Variants in MAN2B2 observed in about 807,000 individuals in gnomAD.
MAN2B2 encodes epididymis-specific alpha-mannosidase.
MAN2B2 carries 106 observed loss-of-function variants against 117.1 expected under a neutral mutation model. The observed-to-expected ratio is 0.90, with a 90% confidence interval of 0.77 to 1.06. The LOEUF is 1.06. Among genes scored for constraint, MAN2B2 ranks in the 50% least tolerant of loss-of-function variants. The pLI is 0.00. For missense variants in MAN2B2, 1,326 were observed against 1,381.4 expected (o/e 0.96, Z 0.64); for synonymous variants, 544 against 595.1 (o/e 0.91, Z 1.25).
At chr4:6,616,521 A>T (rs536723579) in intron 16 of MAN2B2, among the ~76,000 whole-genome samples, 176 of 152,152 alleles carry the variant, frequency 1.2e-3, no homozygotes, top group African/African-American at 4.1e-3. Flanking sequence ...TGTGGCCACC[A>T]CGCCCCCCGC....
intron 17 of MAN2B2, chr4:6,617,703 C>A: frequency 2.4e-6 from 2 of 820,822 alleles, no homozygotes; most frequent in Non-Finnish European, 1.8e-6. Flanking sequence ...ATATGTGAGA[C>A]AGGATCTCAC....
chr4:6,579,139 CATCA>C (rs1726237871), intron 3 of MAN2B2, among the ~76,000 whole-genome samples: 2 of 94,970 alleles, frequency 2.1e-5, no homozygotes, highest in Non-Finnish European at 4.6e-5. Context: ...CCACCACCAC[CATCA>C]CCACCACCAT....
At chr4:6,620,285 ACGCAGAC>A in intron 18 of MAN2B2, 1 of 443,994 alleles carries the variant, frequency 2.3e-6, no homozygotes, top group Non-Finnish European at 4.2e-6. Context: ...ACGTGTGCAC[ACGCAGAC>A]CACACGCCCT....
chr4:6,603,457 G>A (rs1290728616), intron 10 of MAN2B2, among the ~76,000 whole-genome samples: 1 of 152,164 alleles, frequency 6.6e-6, no homozygotes, highest in Non-Finnish European at 1.5e-5. Context: ...GGGGCCCTCG[G>A]CTGGAACTGA....
Position 6,588,899 on chromosome 4 carries a change from G to A in MAN2B2, c.565-146G>A, listed in dbSNP as rs115705089. On this transcript the variant is annotated intron_variant, in intron 4 of 18. Transcript: ENST00000285599. Reference sequence around the variant, plus strand: ...GCAAATCCCACAACCAGTCTTAGACGGAAACGGCAGGGGAGAGCTCATCCT... The same window carrying A: ...GCAAATCCCACAACCAGTCTTAGACAGAAACGGCAGGGGAGAGCTCATCCT... 694 of 625,962 alleles carry A rather than the reference G, an allele frequency of 1.1e-3. 2 individuals are homozygous for A. The highest frequency in any genetic ancestry group is 9.1e-3 in the African/African-American group (496 of 54,568). 38.8% of individuals were successfully genotyped at this position (625,962 alleles called of 1,614,324 possible).
At chr4:6,617,108 A>G (rs1711912965) in intron 16 of MAN2B2, among the ~76,000 whole-genome samples, 1 of 152,140 alleles carries the variant, frequency 6.6e-6, no homozygotes, top group African/African-American at 2.4e-5. Context: ...CAAAATCATC[A>G]GGTCTCATGA....
intron 9 of MAN2B2, among the ~76,000 whole-genome samples, chr4:6,599,830 C>T (rs1727255386): frequency 6.6e-6 from 1 of 152,206 alleles, no homozygotes; most frequent in South Asian, 2.1e-4. Context: ...CCTGCAGGCT[C>T]TGGAAGGCCC....
chr4:6,600,825 G>C, intron 10 of MAN2B2, 69 bp downstream of exon 10: 1 of 1,578,936 alleles, frequency 6.3e-7, no homozygotes. Context: ...CGGGCACATT[G>C]TCTCTTCTGA....
chr4:6,594,770 C>A (rs763950116), intron 7 of MAN2B2, 38 bp downstream of exon 7: 2 of 1,571,404 alleles, frequency 1.3e-6, no homozygotes, highest in Non-Finnish European at 1.7e-6. Flanking sequence ...AGTTTGGTGG[C>A]AGGGAGGGTA....
chr4:6,596,972 C>A, intron 7 of MAN2B2, 141 bp from the exon 8 acceptor site: 1 of 785,378 alleles, frequency 1.3e-6, no homozygotes, highest in Non-Finnish European at 2.1e-6. Context: ...CCTGGGCTCG[C>A]TGCCTGCCCG....
intron 9 of MAN2B2, 79 bp from the exon 10 acceptor site, chr4:6,600,544 T>G (rs977259025): frequency 6.5e-7 from 1 of 1,527,142 alleles, no homozygotes; most frequent in Middle Eastern, 1.8e-4. Context: ...GTTTCCCTCA[T>G]ACTGAGGTGC....
chr4:6,617,360 C>T lies in MAN2B2; in HGVS notation c.2702-20C>T. ...TGGTTGATGAGGGTCTTCACTGCCA[C>T]CTTCCTTCTGTCCCCAAAGGCCATC... On this transcript the variant is annotated intron_variant, in intron 16 of 18. Transcript: ENST00000285599. The T allele has an allele frequency of 6.2e-7, 1 of 1,608,428 alleles. No individual in the cohort carries two copies. Among genetic ancestry groups the T allele is most frequent in the Non-Finnish European group, 8.5e-7 (1 of 1,175,476 alleles).
intron 8 of MAN2B2, 120 bp from the exon 9 acceptor site, chr4:6,598,078 C>T: frequency 1.8e-6 from 2 of 1,104,636 alleles, no homozygotes; most frequent in South Asian, 1.5e-5. Flanking sequence ...GGGGACTGCC[C>T]CCTTCTCCAC....
At chr4:6,612,588 G>GC (rs1357087507) in intron 15 of MAN2B2, among the ~76,000 whole-genome samples, 1 of 152,252 alleles carries the variant, frequency 6.6e-6, no homozygotes, top group African/African-American at 2.4e-5. Flanking sequence ...TCCCAGGACG[G>GC]CCATTGAGCC....
chr4:6,619,543 T>C (rs1232422174), intron 17 of MAN2B2: 6 of 196,326 alleles, frequency 3.1e-5, no homozygotes, highest in African/African-American at 7.0e-5. Context: ...ACAAGGCCTA[T>C]TGGGAAAGGG....
chr4:6,584,196 G>A (rs1186090799), intron 3 of MAN2B2, among the ~76,000 whole-genome samples: 2 of 152,188 alleles, frequency 1.3e-5, no homozygotes, highest in South Asian at 2.1e-4. Context: ...CCCCACTCAT[G>A]CTTGTCTAAC....
intron 5 of MAN2B2, among the ~76,000 whole-genome samples, chr4:6,589,468 T>C (rs536511236): frequency 9.9e-5 from 15 of 152,208 alleles, no homozygotes; most frequent in Non-Finnish European, 2.1e-4. Context: ...CTCAAACTCC[T>C]GACCTGAGAT....
chr4:6,579,054 C>CCAT (rs1726199785), intron 3 of MAN2B2, among the ~76,000 whole-genome samples: 1 of 85,942 alleles, frequency 1.2e-5, no homozygotes, highest in Non-Finnish European at 2.3e-5. Context: ...ACCACCATCA[C>CCAT]CACCACCATC....
intron 11 of MAN2B2, among the ~76,000 whole-genome samples, chr4:6,607,775 A>C (rs1350558929): frequency 2.6e-5 from 4 of 152,148 alleles, no homozygotes; most frequent in Non-Finnish European, 5.9e-5. Context: ...GTCACAAGCT[A>C]ACTCTATGTT....
Sources: gnomAD v4.1 joint callset for allele counts (sites outside exome capture counted in the v4.1 genomes callset) on GRCh38, gnomAD v4.1.1 for gene constraint, MANE v1.5 for transcripts, NCBI Gene and HGNC (gene_info 2026-07-23, HGNC 2026-07-21) for gene names.